The following AGBL4 variants were observed in gnomAD, a reference collection of about 807,000 sequenced individuals.
AGBL4 encodes the protein cytosolic carboxypeptidase 6.
Under a neutral mutation model 66.4 loss-of-function variants are expected in AGBL4, and 58 were observed. That is an observed-to-expected ratio of 0.87 (90% confidence interval 0.71 to 1.09). The LOEUF (loss-of-function observed/expected upper bound fraction) is 1.09. Among genes scored for constraint, AGBL4 ranks in the 50% least tolerant of loss-of-function variants. The pLI is 0.00. For missense variants in AGBL4, 579 were observed against 631.0 expected (o/e 0.92, Z 0.88); for synonymous variants, 234 against 222.9 (o/e 1.05, Z -0.44).
Position 48,697,018 on chromosome 1 carries a change from A to G in AGBL4, c.635-33777T>C, listed in dbSNP as rs541320630. Among the ~76,000 whole-genome samples the G allele has an allele frequency of 3.0e-4, 45 of 152,198 alleles. 1 individual carries two copies. The South Asian group carries it at 4.0e-3, about 13-fold the overall frequency. On this transcript the variant is annotated intron_variant, in intron 6 of 13. Transcript: ENST00000371839. Reference sequence around the variant, plus strand: ...CCTCTATTGCCTACTGCATGCACCCAGGCCTCCCTCCCTAGACTGCAGACT... The same window carrying G: ...CCTCTATTGCCTACTGCATGCACCCGGGCCTCCCTCCCTAGACTGCAGACT...
At chr1:49,175,934 T>G (rs939933805) in intron 4 of AGBL4, among the ~76,000 whole-genome samples, 1 of 152,182 alleles carries the variant, frequency 6.6e-6, no homozygotes, top group African/African-American at 2.4e-5. Context: ...CATAGTTTCA[T>G]TCTTAATCTA....
At chr1:49,499,358 C>A (rs1445899764) in intron 3 of AGBL4, among the ~76,000 whole-genome samples, 1 of 151,678 alleles carries the variant, frequency 6.6e-6, no homozygotes, top group Non-Finnish European at 1.5e-5. Flanking sequence ...CAAATAAAAT[C>A]CTTTTATTAT....
intron 5 of AGBL4, among the ~76,000 whole-genome samples, chr1:48,890,836 T>C (rs1232054920): frequency 2.0e-5 from 3 of 152,074 alleles, no homozygotes; most frequent in Admixed American, 6.5e-5. Context: ...CCCATAGTAA[T>C]GAATGAACGC....
chr1:49,177,773 G>A (rs1646858987), intron 4 of AGBL4, among the ~76,000 whole-genome samples: 1 of 152,140 alleles, frequency 6.6e-6, no homozygotes, highest in Non-Finnish European at 1.5e-5. Flanking sequence ...GAGGAGTGGG[G>A]AGGGCATAGC....
chr1:49,108,468 A>T (rs1645341358), intron 4 of AGBL4, among the ~76,000 whole-genome samples: 1 of 152,204 alleles, frequency 6.6e-6, no homozygotes, highest in African/African-American at 2.4e-5. Flanking sequence ...ATGAGAGCAC[A>T]GGAGCTTTTC....
At chr1:49,649,113 C>A (rs1336933071) in intron 3 of AGBL4, among the ~76,000 whole-genome samples, 1 of 152,110 alleles carries the variant, frequency 6.6e-6, no homozygotes, top group African/African-American at 2.4e-5. Context: ...ATTAATCCAA[C>A]TGTATCAATG....
At chr1:48,653,115 A>AG (rs1214398005) in intron 8 of AGBL4, among the ~76,000 whole-genome samples, 1 of 152,210 alleles carries the variant, frequency 6.6e-6, no homozygotes, top group Non-Finnish European at 1.5e-5. Flanking sequence ...TTCCTGGTCC[A>AG]GTGAGCTGTC....
chr1:49,273,853 T>A (rs540599758), intron 3 of AGBL4, among the ~76,000 whole-genome samples: 1 of 152,062 alleles, frequency 6.6e-6, no homozygotes, highest in East Asian at 1.9e-4. Flanking sequence ...CTTTTTGTTT[T>A]GTATTTTTTT....
At position 48,727,640 on chromosome 1, in the gene AGBL4, CCCCT is replaced by C. The variant is rs1647380802; in HGVS notation, c.635-64403_635-64400del. 3 of 291,492 alleles carry C rather than the reference CCCCT, an allele frequency of 1.0e-5. No homozygotes were observed. The East Asian group carries it at 1.8e-4, about 17-fold the overall frequency. 18.1% of individuals were successfully genotyped at this position (291,492 alleles called of 1,614,324 possible). A position where few individuals can be genotyped will look rare whatever the true frequency, so the allele number is the denominator to read the frequency against. On this transcript the variant is annotated intron_variant, in intron 6 of 13. Coordinates refer to ENST00000371839, the MANE Select transcript of AGBL4 (RefSeq NM_032785.4). ...GACAGGCAACTCAGGCAACCTTATC[CCCCT>C]CCAAGAAGAGTGTTTTCCCCATTCC... is the stretch of plus-strand genomic sequence containing the variant.
chr1:48,563,299 T>C (rs776049355), intron 11 of AGBL4, among the ~76,000 whole-genome samples: 8 of 152,216 alleles, frequency 5.3e-5, no homozygotes, highest in African/African-American at 1.2e-4. Context: ...TTCCTAGTTG[T>C]AGGCCAAGGC....
intron 1 of AGBL4, among the ~76,000 whole-genome samples, chr1:49,927,075 T>C (rs1215003968): frequency 6.6e-6 from 1 of 152,114 alleles, no homozygotes; most frequent in Non-Finnish European, 1.5e-5. Flanking sequence ...TTTCACGTTT[T>C]TTCTGCCTGC....
intron 6 of AGBL4, among the ~76,000 whole-genome samples, chr1:48,756,155 T>C (rs1028487782): frequency 1.3e-5 from 2 of 152,222 alleles, no homozygotes; most frequent in African/African-American, 4.8e-5. Context: ...ATGAGAACAC[T>C]GAGGGTCAGA....
chr1:48,705,332 C>A (rs112385509), intron 6 of AGBL4, among the ~76,000 whole-genome samples: 228 of 152,276 alleles, frequency 1.5e-3, no homozygotes, highest in African/African-American at 5.3e-3. Flanking sequence ...GGTAAACAGT[C>A]TGAATTATTC....
intron 4 of AGBL4, among the ~76,000 whole-genome samples, chr1:49,176,306 T>A (rs554495095): frequency 6.6e-6 from 1 of 152,230 alleles, no homozygotes; most frequent in Admixed American, 6.5e-5. Flanking sequence ...TAAAAAGAAG[T>A]GAAGTCTCCA....
At chr1:48,875,225 T>C (rs980631388) in intron 5 of AGBL4, among the ~76,000 whole-genome samples, 2 of 152,144 alleles carry the variant, frequency 1.3e-5, no homozygotes, top group African/African-American at 4.8e-5. Context: ...GGTATTCTGA[T>C]GGGGGTTCAA....
chr1:49,888,798 G>T (rs1648333424), intron 1 of AGBL4, among the ~76,000 whole-genome samples: 1 of 152,028 alleles, frequency 6.6e-6, no homozygotes, highest in South Asian at 2.1e-4. Context: ...ATCAATATTT[G>T]GGTTTTCTGT....
chr1:48,645,237 A>C (rs1440496718), intron 8 of AGBL4, among the ~76,000 whole-genome samples: 1 of 152,162 alleles, frequency 6.6e-6, no homozygotes, highest in East Asian at 1.9e-4. Flanking sequence ...AGCAGGAGAG[A>C]GTCCCTGGGA....
chr1:49,276,334 C>T (rs977551631), intron 3 of AGBL4, among the ~76,000 whole-genome samples: 2 of 152,122 alleles, frequency 1.3e-5, no homozygotes, highest in African/African-American at 2.4e-5. Context: ...AATCTCTAAA[C>T]CAAAACTCTC....
At position 48,820,772 on chromosome 1, in the gene AGBL4, A is replaced by G. The variant is rs537431861; in HGVS notation, c.634+46419T>C. On this transcript the variant is annotated intron_variant, in intron 6 of 13. Transcript: ENST00000371839. ...ACCATTAGGGGACTTAATAAATGAT[A>G]AAGTTTCTGCACAGCTAAAGAAATA... Among the ~76,000 whole-genome samples, 3 of 152,288 alleles carry G rather than the reference A, an allele frequency of 2.0e-5. No homozygotes were observed. In the South Asian group the frequency reaches 6.2e-4, roughly 32 times the overall value.
Sources: gnomAD v4.1 joint callset for allele counts (sites outside exome capture counted in the v4.1 genomes callset) on GRCh38, gnomAD v4.1.1 for gene constraint, MANE v1.5 for transcripts, NCBI Gene and HGNC (gene_info 2026-07-23, HGNC 2026-07-21) for gene names.